Variants in PEBP4 observed in about 807,000 individuals in gnomAD.
PEBP4 encodes the protein phosphatidylethanolamine-binding protein 4.
A neutral mutation model predicts 23.9 loss-of-function variants in PEBP4; 22 were observed. The ratio of observed to expected loss-of-function variants is 0.92; its 90% CI spans 0.66 to 1.31. PEBP4 has a LOEUF of 1.31. Ranked by LOEUF, PEBP4 falls within the 40% of genes most tolerant of loss-of-function variation. The probability of loss-of-function intolerance (pLI) is 0.00; values close to 1 mark genes in which losing one functional copy is unlikely to be tolerated. For synonymous variants in PEBP4, 112 were observed against 99.3 expected, an observed-to-expected ratio of 1.13 and a Z score of -0.76; for missense variants, 324 against 281.7, an observed-to-expected ratio of 1.15 and a Z score of -1.07.
chr8:22,716,864 C>A (rs1196470555), intron 6 of PEBP4, among the ~76,000 whole-genome samples: 2 of 152,236 alleles, frequency 1.3e-5, no homozygotes, highest in African/African-American at 4.8e-5. Flanking sequence ...TCACCCTGGT[C>A]CTCTGCCAGG....
chr8:22,927,731 AAG>A lies in PEBP4; in HGVS notation c.-6-13_-6-12del. 1 of 1,613,204 alleles carries A rather than the reference AAG, an allele frequency of 6.2e-7. No individual in the cohort carries two copies. Among genetic ancestry groups the A allele is most frequent in the Non-Finnish European group, 8.5e-7 (1 of 1,179,570 alleles). On this transcript the variant is annotated splice_polypyrimidine_tract_variant and intron_variant, in intron 1 of 6. Transcript: ENST00000256404. ...CCAACCCATGGGCACCTGGAACAGAAAGAACTTTAGAGCGGCTGGATCCCCTG... is the reference window on the plus strand; with the variant it reads ...CCAACCCATGGGCACCTGGAACAGAAAACTTTAGAGCGGCTGGATCCCCTG...
intron 4 of PEBP4, among the ~76,000 whole-genome samples, chr8:22,758,403 G>C (rs1021873420): frequency 6.6e-6 from 1 of 152,200 alleles, no homozygotes; most frequent in African/African-American, 2.4e-5. Context: ...CATGTTCTTT[G>C]TTTGTTTCTT....
At chr8:22,888,179 A>T (rs1385629107) in intron 3 of PEBP4, among the ~76,000 whole-genome samples, 2 of 137,432 alleles carry the variant, frequency 1.5e-5, no homozygotes, top group Non-Finnish European at 1.5e-5. Context: ...TTTTTGAGAC[A>T]GTTTCGCTCT....
chr8:22,812,378 C>T (rs763040600), intron 4 of PEBP4, among the ~76,000 whole-genome samples: 4 of 152,154 alleles, frequency 2.6e-5, no homozygotes, highest in African/African-American at 7.2e-5. Context: ...ACCCAAAGTC[C>T]GAGCTCTTTC....
chr8:22,794,623 T>C (rs1215797563), intron 4 of PEBP4, among the ~76,000 whole-genome samples: 2 of 152,240 alleles, frequency 1.3e-5, no homozygotes, highest in Admixed American at 6.5e-5. Flanking sequence ...GTAAGTGCGT[T>C]ACGTGTTAAA....
intron 3 of PEBP4, among the ~76,000 whole-genome samples, chr8:22,863,963 G>A (rs889849319): frequency 1.1e-4 from 16 of 152,098 alleles, no homozygotes; most frequent in Admixed American, 5.9e-4. Flanking sequence ...CTCTTGCCCC[G>A]ACTACTGTAA....
chr8:22,909,867 T>C (rs544573066), intron 3 of PEBP4, among the ~76,000 whole-genome samples: 1 of 152,314 alleles, frequency 6.6e-6, no homozygotes, highest in South Asian at 2.1e-4. Flanking sequence ...GCACAGAGCC[T>C]GGCCACGTGG....
At chr8:22,828,037 A>C (rs149129233) in intron 3 of PEBP4, among the ~76,000 whole-genome samples, 92 of 152,270 alleles carry the variant, frequency 6.0e-4, no homozygotes, top group African/African-American at 2.0e-3. Flanking sequence ...TGTCTATGTC[A>C]ATTTCTTGCC....
chr8:22,793,433 A>ATTTT (rs11315221), intron 4 of PEBP4, among the ~76,000 whole-genome samples: 1 of 120,342 alleles, frequency 8.3e-6, no homozygotes, highest in Non-Finnish European at 1.7e-5. Context: ...CGCCCAGCTC[A>ATTTT]TTTTTTTTTT....
In PEBP4 at chr8:22,775,185, C is replaced by T. The variant is rs1397842772; in HGVS notation, c.357+42452G>A. On this transcript the variant is annotated intron_variant, in intron 4 of 6. Coordinates refer to ENST00000256404, the MANE Select transcript of PEBP4 (RefSeq NM_144962.3). The surrounding 1 kb of genome is among the most constrained non-coding windows in gnomAD (Gnocchi z 4.8). Reference sequence around the variant, plus strand: ...TAAGGTCATGTTCTAGGTTTTAGGGCTCCCCTCTCTTCCTTCTCCATATCA... The same window carrying T: ...TAAGGTCATGTTCTAGGTTTTAGGGTTCCCCTCTCTTCCTTCTCCATATCA... Among the ~76,000 whole-genome samples, 2 of 152,236 alleles carry T rather than the reference C, an allele frequency of 1.3e-5. No homozygotes were observed. Among genetic ancestry groups the T allele is most frequent in the Admixed American group, 6.5e-5 (1 of 15,292 alleles).
upstream of PEBP4, among the ~76,000 whole-genome samples, chr8:22,931,064 T>C (rs1187658908): frequency 6.6e-6 from 1 of 152,160 alleles, no homozygotes; most frequent in East Asian, 1.9e-4. Flanking sequence ...AGGCCTCCTG[T>C]GCCTGACACC....
At chr8:22,762,446 A>G (rs1164499874) in intron 4 of PEBP4, among the ~76,000 whole-genome samples, 2 of 152,188 alleles carry the variant, frequency 1.3e-5, no homozygotes, top group African/African-American at 4.8e-5. Flanking sequence ...CTGCTCCATC[A>G]GTTTTTCTGG....
intron 3 of PEBP4, among the ~76,000 whole-genome samples, chr8:22,912,768 C>T (rs13249213): frequency 0.079 from 11,962 of 152,278 alleles, 624 homozygotes; most frequent in African/African-American, 0.15. Flanking sequence ...AGAGGAGCCC[C>T]GGATGACCTG....
intron 4 of PEBP4, among the ~76,000 whole-genome samples, chr8:22,805,577 C>T (rs918517480): frequency 2.0e-5 from 3 of 152,196 alleles, no homozygotes; most frequent in Non-Finnish European, 2.9e-5. Context: ...CCTCCCACCT[C>T]GGCCTCCCAA....
chr8:22,867,100 A>C (rs1807920501), intron 3 of PEBP4, among the ~76,000 whole-genome samples: 2 of 152,206 alleles, frequency 1.3e-5, no homozygotes, highest in South Asian at 4.1e-4. Context: ...TCGGGTAGAG[A>C]ATTCCAGACC....
chr8:22,720,934 G>T (rs933616244), intron 6 of PEBP4, among the ~76,000 whole-genome samples: 1 of 152,236 alleles, frequency 6.6e-6, no homozygotes, highest in African/African-American at 2.4e-5. Context: ...TCAGCTGAGC[G>T]AATGCAGAAG....
At chr8:22,765,116 T>TCTTACTTCCTTCCTTC (rs1554483037) in intron 4 of PEBP4, among the ~76,000 whole-genome samples, 1 of 144,898 alleles carries the variant, frequency 6.9e-6, no homozygotes, top group Non-Finnish European at 1.5e-5. Context: ...TTCCTTTATT[T>TCTTACTTCCTTCCTTC]CTTCCTTCCT....
intron 4 of PEBP4, among the ~76,000 whole-genome samples, chr8:22,735,099 A>G (rs1053668723): frequency 6.6e-6 from 1 of 152,270 alleles, no homozygotes; most frequent in African/African-American, 2.4e-5. Context: ...TGAGATGGGT[A>G]GATGAATGAA....
At chr8:22,818,298 T>C (rs926017728) in intron 3 of PEBP4, among the ~76,000 whole-genome samples, 4 of 152,176 alleles carry the variant, frequency 2.6e-5, no homozygotes, top group African/African-American at 9.7e-5. Flanking sequence ...GCTTTTGTTC[T>C]AGGTAAAAGA....
Sources: gnomAD v4.1 joint callset for allele counts (sites outside exome capture counted in the v4.1 genomes callset) on GRCh38, gnomAD v4.1.1 for gene constraint, Gnocchi (gnomAD v3.1) non-coding constraint, MANE v1.5 for transcripts, NCBI Gene and HGNC (gene_info 2026-07-23, HGNC 2026-07-21) for gene names.